Variants in PRDM16 observed in about 807,000 individuals in gnomAD.
PRDM16 encodes histone-lysine N-methyltransferase PRDM16.
A neutral mutation model predicts 110.6 loss-of-function variants in PRDM16; 23 were observed. The observed-to-expected ratio is 0.21, with a 90% CI of 0.15 to 0.29. The LOEUF is 0.29. PRDM16 is among the 10% of genes least tolerant of loss of function. The probability of loss-of-function intolerance (pLI) is 1.00; values close to 1 mark genes in which losing one functional copy is unlikely to be tolerated. For missense variants in PRDM16, 1,615 were observed against 1,794.3 expected (o/e 0.90, Z 1.81); for synonymous variants, 799 against 781.8 (o/e 1.02, Z -0.37).
chr1:3,107,794 C>T (rs1642699261), intron 1 of PRDM16, among the ~76,000 whole-genome samples: 1 of 152,250 alleles, frequency 6.6e-6, no homozygotes, highest in Non-Finnish European at 1.5e-5. Flanking sequence ...CTGGCTGTGG[C>T]CCCTGGCCTC....
At chr1:3,154,454 C>T (rs1643828980) in intron 1 of PRDM16, among the ~76,000 whole-genome samples, 1 of 152,160 alleles carries the variant, frequency 6.6e-6, no homozygotes. Flanking sequence ...TCAGGACGGC[C>T]AAGGGCTTCC....
intron 2 of PRDM16, among the ~76,000 whole-genome samples, chr1:3,228,891 T>C (rs1639348710): frequency 6.6e-6 from 1 of 152,234 alleles, no homozygotes; most frequent in South Asian, 2.1e-4. Context: ...CCCACAGGCT[T>C]GCCTGGTTCA....
chr1:3,187,659 C>T (rs903330805), intron 2 of PRDM16, among the ~76,000 whole-genome samples: 3 of 152,184 alleles, frequency 2.0e-5, no homozygotes, highest in Admixed American at 2.0e-4. Context: ...GCCCCGCACG[C>T]TGCAGAGCTG....
At chr1:3,106,396 T>C (rs1338420608) in intron 1 of PRDM16, among the ~76,000 whole-genome samples, 3 of 151,952 alleles carry the variant, frequency 2.0e-5, no homozygotes, top group Non-Finnish European at 4.4e-5. Flanking sequence ...GACTGGGTGG[T>C]GGCCCCACTG....
intron 3 of PRDM16, among the ~76,000 whole-genome samples, chr1:3,374,091 G>A (rs991422994): frequency 6.6e-6 from 1 of 152,232 alleles, no homozygotes; most frequent in Non-Finnish European, 1.5e-5. Context: ...ATATCGGCCA[G>A]CACGAGGCAA....
At chr1:3,380,835 C>T (rs1643089750) in intron 3 of PRDM16, among the ~76,000 whole-genome samples, 2 of 152,328 alleles carry the variant, frequency 1.3e-5, no homozygotes, top group South Asian at 4.1e-4. Flanking sequence ...TCGATGCATT[C>T]AACAATACAC....
Position 3,374,312 on chromosome 1 carries a change from G to C in PRDM16, c.439-10840G>C, listed in dbSNP as rs146457328. Among the ~76,000 whole-genome samples the C allele has an allele frequency of 4.5e-4, 68 of 152,350 alleles. 2 individuals carry two copies. The East Asian group carries it at 7.7e-3, about 17-fold the overall frequency. On this transcript the variant is annotated intron_variant, in intron 3 of 16. Coordinates refer to ENST00000270722, the MANE Select transcript of PRDM16 (RefSeq NM_022114.4). ...GCACCCAGGGCGCCCCCTTGGCAAA[G>C]AGCTTTCCACTTGACCATAATGCGG...
intron 2 of PRDM16, among the ~76,000 whole-genome samples, chr1:3,232,986 G>A (rs1639450872): frequency 1.3e-5 from 2 of 152,240 alleles, no homozygotes; most frequent in Non-Finnish European, 2.9e-5. Flanking sequence ...TCAGGTGGAA[G>A]TGCATTCATA....
chr1:3,321,745 T>C (rs1201105937), intron 3 of PRDM16, among the ~76,000 whole-genome samples: 1 of 150,730 alleles, frequency 6.6e-6, no homozygotes, highest in African/African-American at 2.5e-5. Context: ...ATGTGTGCGG[T>C]GTGCACAATG....
At chr1:3,169,945 C>T (rs922183158) in intron 1 of PRDM16, among the ~76,000 whole-genome samples, 1 of 152,240 alleles carries the variant, frequency 6.6e-6, no homozygotes, top group Non-Finnish European at 1.5e-5. Flanking sequence ...TCCGAGTAAT[C>T]GGGTGATGTA....
intron 3 of PRDM16, among the ~76,000 whole-genome samples, chr1:3,360,084 G>T (rs992630133): frequency 5.5e-5 from 8 of 144,574 alleles, no homozygotes; most frequent in African/African-American, 2.3e-4. Context: ...TCTGGTAAAT[G>T]AATCGAACAC....
chr1:3,207,415 C>G (rs151232236), intron 2 of PRDM16: 1 of 152,192 alleles, frequency 6.6e-6, no homozygotes, highest in Non-Finnish European at 1.5e-5. Flanking sequence ...TTTCCACGGA[C>G]GGTTTTAAAG....
intron 3 of PRDM16, among the ~76,000 whole-genome samples, chr1:3,294,918 G>A (rs1641052456): frequency 1.3e-5 from 2 of 152,208 alleles, no homozygotes; most frequent in African/African-American, 2.4e-5. Flanking sequence ...GAGAGGGGTA[G>A]ACCCCACGGA....
chr1:3,365,917 TAC>T (rs199603782), intron 3 of PRDM16, among the ~76,000 whole-genome samples: 72 of 143,814 alleles, frequency 5.0e-4, no homozygotes, highest in East Asian at 8.1e-4. Flanking sequence ...CATGCACACA[TAC>T]ACACACGCAC....
chr1:3,405,465 G>A (rs977613443), intron 7 of PRDM16, 30 bp from the exon 8 acceptor site: 15 of 1,529,354 alleles, frequency 9.8e-6, no homozygotes, highest in Non-Finnish European at 1.3e-5. Context: ...GTCCAGGCAG[G>A]GCACGCGCCA....
intron 3 of PRDM16, among the ~76,000 whole-genome samples, chr1:3,368,391 C>G (rs1040861665): frequency 1.3e-5 from 2 of 152,130 alleles, no homozygotes; most frequent in African/African-American, 4.8e-5. Flanking sequence ...CTGGCTGGGC[C>G]CCGGGCAGGA....
intron 3 of PRDM16, among the ~76,000 whole-genome samples, chr1:3,348,447 C>T (rs537622207): frequency 5.9e-5 from 9 of 152,306 alleles, no homozygotes; most frequent in South Asian, 2.1e-4. Context: ...CCCCAAAATC[C>T]GCGGGCCAAG....
chr1:3,430,887 C>G lies in PRDM16; in HGVS notation c.3300C>G (p.Ile1100Met). The change falls in exon 15 of 17, where the codon ATC becomes ATG. Residue 1100 changes from isoleucine to methionine, a missense_variant. Transcript: ENST00000270722. The stretch of plus-strand genomic sequence containing the variant: ...ATCATTTCAGGGCGGACATGCAGAT[C>G]GTGGACGGCAGTGCCCAGTGTCCAG... ...TRTEKRADMQ[I>M]VDGSAQCPGL... 3 of 1,614,088 alleles carry G rather than the reference C, an allele frequency of 1.9e-6. No individual in the cohort carries two copies. Among genetic ancestry groups the G allele is most frequent in the Non-Finnish European group, 8.5e-7 (1 of 1,180,006 alleles).
At chr1:3,240,407 C>CAAAA (rs113979441) in intron 2 of PRDM16, among the ~76,000 whole-genome samples, 12 of 105,302 alleles carry the variant, frequency 1.1e-4, no homozygotes, top group African/African-American at 2.9e-4. Flanking sequence ...CAACCTGTTT[C>CAAAA]AAAAAAAAAA....
Sources: allele counts gnomAD v4.1 joint callset (sites outside exome capture counted in the v4.1 genomes callset), GRCh38; gene constraint gnomAD v4.1.1; transcripts MANE v1.5; gene names NCBI Gene and HGNC (gene_info 2026-07-23, HGNC 2026-07-21).